The following DENND1A variants were observed in gnomAD, a reference collection of about 807,000 sequenced individuals.
DENND1A encodes DENN domain containing 1A.
In DENND1A, 51 loss-of-function variants were observed where a neutral mutation model predicts 113.7. The ratio of observed to expected loss-of-function variants is 0.45; its 90% CI spans 0.36 to 0.57. The LOEUF (loss-of-function observed/expected upper bound fraction) is 0.57. Among genes scored for constraint, DENND1A ranks in the 20% least tolerant of loss-of-function variants. The pLI, the probability that DENND1A is intolerant of heterozygous loss-of-function variation, is 0.00. For synonymous variants in DENND1A, 565 were observed against 570.8 expected (o/e 0.99, Z 0.14); for missense variants, 1,258 against 1,395.9 (o/e 0.90, Z 1.57).
chr9:123,853,456 G>A (rs1033045740), intron 2 of DENND1A, among the ~76,000 whole-genome samples: 1 of 151,596 alleles, frequency 6.6e-6, no homozygotes, highest in Admixed American at 6.6e-5. Flanking sequence ...TTGAGTTCAG[G>A]AGTTCGAGAC....
At chr9:123,890,047 T>A (rs1381082863) in intron 1 of DENND1A, among the ~76,000 whole-genome samples, 1 of 152,150 alleles carries the variant, frequency 6.6e-6, no homozygotes, top group Non-Finnish European at 1.5e-5. Context: ...AAAGTGAACA[T>A]CTGTAAAATA....
intron 12 of DENND1A, among the ~76,000 whole-genome samples, chr9:123,580,357 GC>G (rs777643317): frequency 4.6e-5 from 7 of 152,166 alleles, no homozygotes; most frequent in Non-Finnish European, 7.4e-5. Context: ...GCCCTTCTGT[GC>G]CCGACTCCTA....
At chr9:123,624,007 CCTCATGTGTTA>C (rs1263817420) in intron 10 of DENND1A, among the ~76,000 whole-genome samples, 2 of 152,190 alleles carry the variant, frequency 1.3e-5, no homozygotes, top group African/African-American at 4.8e-5. Context: ...CAGCAGTGGT[CCTCATGTGTTA>C]ATTACACTTG....
chr9:123,790,863 G>A (rs1832896203), intron 3 of DENND1A, among the ~76,000 whole-genome samples: 1 of 152,088 alleles, frequency 6.6e-6, no homozygotes, highest in Non-Finnish European at 1.5e-5. Flanking sequence ...AAATAAACAT[G>A]GAAAGCTAAA....
chr9:123,886,618 G>A (rs920365051), intron 1 of DENND1A, among the ~76,000 whole-genome samples: 1 of 152,152 alleles, frequency 6.6e-6, no homozygotes, highest in Non-Finnish European at 1.5e-5. Context: ...TAAACATTGA[G>A]TCCTTTAAGC....
chr9:123,538,448 C>G (rs1193316910), intron 13 of DENND1A, among the ~76,000 whole-genome samples: 3 of 151,938 alleles, frequency 2.0e-5, no homozygotes, highest in African/African-American at 7.3e-5. Context: ...AAAAAGAAAC[C>G]AGTGCTTCCT....
intron 1 of DENND1A, among the ~76,000 whole-genome samples, chr9:123,904,345 G>A (rs1852348381): frequency 1.3e-5 from 2 of 151,888 alleles, no homozygotes; most frequent in Non-Finnish European, 2.9e-5. Context: ...TTCCTCACCA[G>A]CAACGGAACA....
intron 13 of DENND1A, among the ~76,000 whole-genome samples, chr9:123,511,155 T>G (rs1344389094): frequency 6.6e-6 from 1 of 152,128 alleles, no homozygotes; most frequent in Non-Finnish European, 1.5e-5. Context: ...CCAGAGTCCC[T>G]CTCTGGGTAG....
intron 5 of DENND1A, among the ~76,000 whole-genome samples, chr9:123,731,718 T>C (rs2068186420): frequency 6.6e-6 from 1 of 152,236 alleles, no homozygotes; most frequent in Admixed American, 6.5e-5. Flanking sequence ...AAGATTGATG[T>C]GTTATGATTT....
chr9:123,467,203 T>C (rs1026949909), intron 13 of DENND1A, among the ~76,000 whole-genome samples: 3 of 152,236 alleles, frequency 2.0e-5, no homozygotes, highest in East Asian at 1.9e-4. Flanking sequence ...TGTGAGCACG[T>C]AGAGTCCTGC....
At chr9:123,762,985 G>A (rs761431375) in intron 4 of DENND1A, among the ~76,000 whole-genome samples, 8 of 152,032 alleles carry the variant, frequency 5.3e-5, no homozygotes, top group Non-Finnish European at 8.8e-5. Flanking sequence ...ATGCACAGGA[G>A]ATAAAGGGGA....
At chr9:123,451,141 A>G (rs1416128286) in intron 17 of DENND1A, among the ~76,000 whole-genome samples, 1 of 152,168 alleles carries the variant, frequency 6.6e-6, no homozygotes, top group African/African-American at 2.4e-5. Context: ...CCCAGGACCA[A>G]TTTTCTGCCC....
rs546336838 is a variant in DENND1A at position 123,855,863 on chromosome 9, C to A, written c.88+23088G>T. Among the ~76,000 whole-genome samples the A allele has an allele frequency of 1.6e-4, 24 of 152,118 alleles. No individual in the cohort carries two copies. The South Asian group carries it at 4.6e-3, about 29-fold the overall frequency. On this transcript the variant is annotated intron_variant, in intron 2 of 23. Coordinates refer to ENST00000394215, the MANE Select transcript of DENND1A (RefSeq NM_001352964.2). ...GACCAGCCTGACCAACATGGAGAAA[C>A]CCCACCTCTGCTAAAAATAGAAAAT...
chr9:123,469,425 C>T (rs888860212), intron 13 of DENND1A, among the ~76,000 whole-genome samples: 4 of 152,252 alleles, frequency 2.6e-5, no homozygotes, highest in Non-Finnish European at 5.9e-5. Flanking sequence ...AGCCCCCACA[C>T]GCGCTTGCTA....
At chr9:123,503,844 C>T (rs915741104) in intron 13 of DENND1A, among the ~76,000 whole-genome samples, 1 of 152,218 alleles carries the variant, frequency 6.6e-6, no homozygotes, top group Non-Finnish European at 1.5e-5. Context: ...GAGTCTGAGA[C>T]ACACTGGGTT....
intron 5 of DENND1A, among the ~76,000 whole-genome samples, chr9:123,733,322 C>A (rs2068321219): frequency 6.6e-6 from 1 of 152,106 alleles, no homozygotes; most frequent in African/African-American, 2.4e-5. Flanking sequence ...CTCTGTTGCC[C>A]AGGCTGGAGT....
At chr9:123,918,906 G>A (rs1461053866) in intron 1 of DENND1A, among the ~76,000 whole-genome samples, 1 of 152,074 alleles carries the variant, frequency 6.6e-6, no homozygotes, top group Non-Finnish European at 1.5e-5. Flanking sequence ...CCAAGAAAGT[G>A]AACTTGAATC....
At chr9:123,567,806 C>T (rs1162731210) in intron 12 of DENND1A, among the ~76,000 whole-genome samples, 1 of 152,144 alleles carries the variant, frequency 6.6e-6, no homozygotes, top group Non-Finnish European at 1.5e-5. Context: ...AGCAGGAATG[C>T]CACCAAGATG....
intron 9 of DENND1A, among the ~76,000 whole-genome samples, chr9:123,637,768 G>C (rs1426136706): frequency 1.3e-5 from 2 of 152,264 alleles, no homozygotes; most frequent in Middle Eastern, 3.4e-3. Context: ...ACAGTGTCTT[G>C]CTTTTCTTAG....
Sources: gnomAD v4.1 joint callset for allele counts (sites outside exome capture counted in the v4.1 genomes callset) on GRCh38, gnomAD v4.1.1 for gene constraint, MANE v1.5 for transcripts, NCBI Gene and HGNC (gene_info 2026-07-23, HGNC 2026-07-21) for gene names.